The following RASGRF1 variants were observed in gnomAD, a reference collection of about 807,000 sequenced individuals.
RASGRF1 encodes ras-specific guanine nucleotide-releasing factor 1.
Under a neutral mutation model 138.7 loss-of-function variants are expected in RASGRF1, and 40 were observed. That is an observed-to-expected ratio of 0.29 (90% CI 0.22 to 0.38). The LOEUF (loss-of-function observed/expected upper bound fraction) is 0.38, where lower values mean the gene tolerates loss of function less well. Among genes scored for constraint, RASGRF1 ranks in the 10% least tolerant of loss-of-function variants. The pLI, the probability that RASGRF1 is intolerant of heterozygous loss-of-function variation, is 1.00. For missense variants in RASGRF1, 1,108 were observed against 1,650.4 expected, an observed-to-expected ratio of 0.67 and a Z score of 5.69; for synonymous variants, 614 against 663.2, an observed-to-expected ratio of 0.93 and a Z score of 1.14.
In RASGRF1 at chr15:79,007,991, C is replaced by T. The variant is rs559281572; in HGVS notation, c.1827-1557G>A. On this transcript the variant is annotated intron_variant, in intron 13 of 26. Transcript: ENST00000558480. ...CCGAGTAGCTGGGATTACAGGCATGCGCCACCACGCCCAGCTAATTTTTGT... is the reference window on the plus strand; with the variant it reads ...CCGAGTAGCTGGGATTACAGGCATGTGCCACCACGCCCAGCTAATTTTTGT... Among the ~76,000 whole-genome samples, 47 of 151,880 alleles carry T rather than the reference C, an allele frequency of 3.1e-4. No homozygotes were observed. In the South Asian group the frequency reaches 6.6e-3, roughly 21 times the overall value.
At chr15:79,012,044 A>G (rs2141751070) in intron 13 of RASGRF1, among the ~76,000 whole-genome samples, 1 of 152,220 alleles carries the variant, frequency 6.6e-6, no homozygotes, top group Admixed American at 6.5e-5. Context: ...TTGATACATT[A>G]GATGCCGTAA....
intron 5 of RASGRF1, among the ~76,000 whole-genome samples, chr15:79,037,662 T>C (rs1224705128): frequency 3.9e-5 from 6 of 152,052 alleles, no homozygotes; most frequent in Non-Finnish European, 8.8e-5. Flanking sequence ...TTTCACCATG[T>C]TGGCCAGGCT....
At chr15:79,026,831 C>T (rs549744493) in intron 9 of RASGRF1, among the ~76,000 whole-genome samples, 12 of 152,322 alleles carry the variant, frequency 7.9e-5, no homozygotes, top group African/African-American at 2.9e-4. Flanking sequence ...ATGCCCAACA[C>T]AGCCCAAGGG....
chr15:78,993,647 G>A (rs549418260), intron 20 of RASGRF1, among the ~76,000 whole-genome samples: 6 of 152,244 alleles, frequency 3.9e-5, no homozygotes, highest in Non-Finnish European at 7.4e-5. Context: ...AAATACAGGT[G>A]GGCAGCCCAG....
chr15:79,030,560 T>C (rs1353709057), intron 8 of RASGRF1, among the ~76,000 whole-genome samples: 4 of 152,178 alleles, frequency 2.6e-5, no homozygotes, highest in Admixed American at 2.6e-4. Flanking sequence ...GGACATTGAA[T>C]TGGCACCTAA....
chr15:79,059,995 C>CACAG (rs1038120909), intron 2 of RASGRF1, among the ~76,000 whole-genome samples: 2 of 69,700 alleles, frequency 2.9e-5, no homozygotes, highest in African/African-American at 1.2e-4. Flanking sequence ...CACACAGACA[C>CACAG]ACACACACAC....
At chr15:79,089,221 T>C (rs2058020360) in intron 1 of RASGRF1, among the ~76,000 whole-genome samples, 1 of 152,216 alleles carries the variant, frequency 6.6e-6, no homozygotes, top group Non-Finnish European at 1.5e-5. Context: ...TCACCAGCCG[T>C]TAGGCCCTAT....
At chr15:79,024,961 A>C (rs1276413791) in intron 10 of RASGRF1, among the ~76,000 whole-genome samples, 2 of 151,840 alleles carry the variant, frequency 1.3e-5, no homozygotes, top group East Asian at 3.9e-4. Flanking sequence ...AGACACAAAA[A>C]CACCACACAT....
chr15:79,068,637 T>C (rs1047898779), intron 1 of RASGRF1, among the ~76,000 whole-genome samples: 1 of 151,662 alleles, frequency 6.6e-6, no homozygotes, highest in Non-Finnish European at 1.5e-5. Context: ...CACGCTTTTA[T>C]ATCTATCCAT....
At position 79,050,843 on chromosome 15, in the gene RASGRF1, A is replaced by G. The variant is rs1272840887; in HGVS notation, c.532-1255T>C. Among the ~76,000 whole-genome samples the G allele has an allele frequency of 6.6e-6, 1 of 152,200 alleles. No individual in the cohort carries two copies. The highest frequency in any genetic ancestry group is 1.9e-4 in the East Asian group (1 of 5,202). On this transcript the variant is annotated intron_variant, in intron 3 of 26. Transcript: ENST00000558480. This position sits in a 1 kb window ranked among gnomAD's most constrained non-coding sequence, Gnocchi z 4.1. ...TTGTGTCCTGTAGCAGGGTTCCCACAGCACCATGGACTTTCCTGTGAAAAT... is the reference window on the plus strand; with the variant it reads ...TTGTGTCCTGTAGCAGGGTTCCCACGGCACCATGGACTTTCCTGTGAAAAT...
At chr15:78,987,327 G>T (rs961873492) in intron 22 of RASGRF1, among the ~76,000 whole-genome samples, 1 of 57,574 alleles carries the variant, frequency 1.7e-5, no homozygotes, top group Non-Finnish European at 4.0e-5. Context: ...AGGAATAAAA[G>T]ATAATTAAAA....
At chr15:78,977,802 G>T (rs2055905304) in intron 24 of RASGRF1, among the ~76,000 whole-genome samples, 1 of 152,244 alleles carries the variant, frequency 6.6e-6, no homozygotes, top group African/African-American at 2.4e-5. Flanking sequence ...GTGCAGATAT[G>T]CAAGTGTGTG....
chr15:78,962,198 A>G lies in RASGRF1; in HGVS notation c.3720T>C (p.Asp1240=), dbSNP rs965848378. ...GAGAAGACTCGTAGAGGCTTTCTTC[A>G]TCCATTACAAAAGATTGGTCCAGTA... ...QYLLDQSFVM[D]EESLYESSLR... The change falls in exon 27 of 27, where the codon GAT becomes GAC. Residue 1240 remains aspartate (D), a synonymous_variant. Coordinates refer to ENST00000558480, the MANE Select transcript of RASGRF1 (RefSeq NM_001145648.3). 1 of 1,586,732 alleles carries G rather than the reference A, an allele frequency of 6.3e-7. No individual in the cohort carries two copies.
chr15:79,046,908 C>A lies in RASGRF1; in HGVS notation c.716G>T (p.Arg239Leu). ...GCTGAACACCACCTGGTTCCTCTTGCGCATGCTGTCAGCATGGGGTGACCG... is the reference window on the plus strand; with the variant it reads ...GCTGAACACCACCTGGTTCCTCTTGAGCATGCTGTCAGCATGGGGTGACCG... ...YIRSPHADSM[R>L]KRNQVVFSML... is the part of the protein sequence containing the mutation. Residue 239 changes from arginine (R) to leucine (L), a missense_variant, in exon 5 of 27, where the codon CGC becomes CTC. Around this residue, in one of 3 missense-constraint regions of RASGRF1, gnomAD observed 253 missense variants for 329.5 expected, o/e 0.77. Coordinates refer to ENST00000558480, the MANE Select transcript of RASGRF1 (RefSeq NM_001145648.3). This position sits in a 1 kb window ranked among gnomAD's most constrained non-coding sequence, Gnocchi z 5.3. 3 of 1,614,178 alleles carry A rather than the reference C, an allele frequency of 1.9e-6. No homozygotes were observed. The highest frequency in any genetic ancestry group is 2.5e-6 in the Non-Finnish European group (3 of 1,180,032).
At chr15:78,992,101 TG>T (rs1365153515) in intron 20 of RASGRF1, among the ~76,000 whole-genome samples, 1 of 152,158 alleles carries the variant, frequency 6.6e-6, no homozygotes, top group African/African-American at 2.4e-5. Context: ...CTTCCAGAGG[TG>T]AGCCACTGGC....
chr15:79,013,173 T>A (rs1033797872), intron 13 of RASGRF1, among the ~76,000 whole-genome samples: 4 of 152,252 alleles, frequency 2.6e-5, no homozygotes, highest in Non-Finnish European at 5.9e-5. Context: ...GTTAAGCGAC[T>A]TGTCCATATT....
intron 18 of RASGRF1, chr15:78,998,410 C>A (rs2056442395): frequency 1.6e-6 from 1 of 625,108 alleles, no homozygotes. Context: ...GCACTGGAAC[C>A]AGATCAAAGC....
chr15:79,003,587 C>T lies in RASGRF1; in HGVS notation c.2449+215G>A, dbSNP rs549622030. On this transcript the variant is annotated intron_variant, in intron 15 of 26. Coordinates refer to ENST00000558480, the MANE Select transcript of RASGRF1 (RefSeq NM_001145648.3). ...GTGGCGATGCCCTGGGAATTTCTGC[C>T]TGCCTCCCCCCGCAGCCTGGGCTCC... is the stretch of plus-strand genomic sequence containing the variant. 6.6e-5 allele frequency among the ~76,000 whole-genome samples: 10 copies of T among 152,382 alleles called. No homozygotes were observed. In the East Asian group the frequency reaches 1.9e-3, roughly 29 times the overall value.
At chr15:79,083,693 A>C (rs998989249) in intron 1 of RASGRF1, among the ~76,000 whole-genome samples, 1 of 152,234 alleles carries the variant, frequency 6.6e-6, no homozygotes, top group African/African-American at 2.4e-5. Flanking sequence ...CTCAGGTTTT[A>C]GAATCAGGAA....
Sources: allele counts gnomAD v4.1 joint callset (sites outside exome capture counted in the v4.1 genomes callset), GRCh38; gene constraint gnomAD v4.1.1; regional missense constraint gnomAD v4.1.1; non-coding constraint Gnocchi (gnomAD v3.1); transcripts MANE v1.5; gene names NCBI Gene and HGNC (gene_info 2026-07-23, HGNC 2026-07-21).